DLGAP1: variants seen among roughly 807,000 people sequenced by gnomAD.
The protein encoded by DLGAP1 is DLG associated protein 1.
A neutral mutation model predicts 90.8 loss-of-function variants in DLGAP1; 11 were observed. The ratio of observed to expected loss-of-function variants is 0.12; its 90% CI spans 0.08 to 0.20. DLGAP1 has a LOEUF of 0.20. DLGAP1 is among the 10% of genes least tolerant of loss of function. The probability of loss-of-function intolerance (pLI) is 1.00; values close to 1 mark genes in which losing one functional copy is unlikely to be tolerated. For synonymous variants in DLGAP1, 558 were observed against 540.7 expected, an observed-to-expected ratio of 1.03 and a Z score of -0.44; for missense variants, 1,050 against 1,333.8, an observed-to-expected ratio of 0.79 and a Z score of 3.31.
chr18:3,773,992 G>A (rs1435030792), intron 5 of DLGAP1, among the ~76,000 whole-genome samples: 1 of 152,142 alleles, frequency 6.6e-6, no homozygotes, highest in Non-Finnish European at 1.5e-5. Flanking sequence ...AAATTGGGGT[G>A]CTCACCTTCC....
At chr18:4,302,857 A>C (rs992520282) in intron 1 of DLGAP1, among the ~76,000 whole-genome samples, 3 of 152,214 alleles carry the variant, frequency 2.0e-5, no homozygotes, top group Non-Finnish European at 2.9e-5. Flanking sequence ...AACACAGTCT[A>C]TCTCTCCATT....
chr18:4,025,323 A>ATT (rs35955396), intron 2 of DLGAP1, among the ~76,000 whole-genome samples: 84 of 150,300 alleles, frequency 5.6e-4, no homozygotes, highest in African/African-American at 1.4e-3. Context: ...TCCAATGAGC[A>ATT]TTTTTTTTTT....
chr18:3,589,941 G>A (rs962196028), intron 7 of DLGAP1, among the ~76,000 whole-genome samples: 5 of 152,116 alleles, frequency 3.3e-5, no homozygotes, highest in Admixed American at 2.0e-4. Context: ...ACAGAGTTTC[G>A]CTCTTGTTGC....
intron 1 of DLGAP1, among the ~76,000 whole-genome samples, chr18:4,343,137 C>T (rs1368112086): frequency 6.6e-6 from 1 of 151,820 alleles, no homozygotes; most frequent in Non-Finnish European, 1.5e-5. Context: ...GAAACTCCGT[C>T]TCTACTAAAA....
At chr18:4,108,902 A>G (rs553423957) in intron 2 of DLGAP1, among the ~76,000 whole-genome samples, 1 of 152,356 alleles carries the variant, frequency 6.6e-6, no homozygotes, top group Non-Finnish European at 1.5e-5. Context: ...GGGCTGTCAC[A>G]TGAAAGAATG....
chr18:4,117,400 C>T (rs769506344), intron 2 of DLGAP1, among the ~76,000 whole-genome samples: 8 of 152,204 alleles, frequency 5.3e-5, no homozygotes, highest in Non-Finnish European at 1.0e-4. Context: ...AGCAACACTG[C>T]TTATTGATTG....
At chr18:4,007,217 C>A (rs2074321021) in intron 2 of DLGAP1, among the ~76,000 whole-genome samples, 2 of 152,050 alleles carry the variant, frequency 1.3e-5, no homozygotes, top group Admixed American at 6.6e-5. Flanking sequence ...GCTTCTTGCT[C>A]CTGGGGCAGC....
intron 1 of DLGAP1, among the ~76,000 whole-genome samples, chr18:4,270,817 G>C (rs1301692149): frequency 6.6e-6 from 1 of 152,158 alleles, no homozygotes; most frequent in Non-Finnish European, 1.5e-5. Context: ...CATGCATTTA[G>C]TGTGGGCATT....
intron 3 of DLGAP1, among the ~76,000 whole-genome samples, chr18:3,971,888 G>A (rs2073457526): frequency 6.6e-6 from 1 of 152,124 alleles, no homozygotes; most frequent in Admixed American, 6.5e-5. Context: ...TGAATATTGA[G>A]GGACAAGAAA....
At chr18:3,741,167 A>C (rs1598539846) in intron 6 of DLGAP1, among the ~76,000 whole-genome samples, 1 of 67,022 alleles carries the variant, frequency 1.5e-5, no homozygotes, top group African/African-American at 6.4e-5. Context: ...CACCATCACC[A>C]CCACATCACC....
chr18:3,516,258 T>G (rs1361288598), intron 10 of DLGAP1, among the ~76,000 whole-genome samples: 1 of 152,148 alleles, frequency 6.6e-6, no homozygotes, highest in Non-Finnish European at 1.5e-5. Context: ...CAAATTTTTT[T>G]GGGTGCACGG....
At chr18:3,842,572 T>C (rs900460751) in intron 4 of DLGAP1, among the ~76,000 whole-genome samples, 1 of 151,254 alleles carries the variant, frequency 6.6e-6, no homozygotes, top group Non-Finnish European at 1.5e-5. Context: ...TGGACAGAAA[T>C]AAGATTTGGT....
At chr18:3,624,004 G>C (rs1567853843) in intron 7 of DLGAP1, among the ~76,000 whole-genome samples, 1 of 152,020 alleles carries the variant, frequency 6.6e-6, no homozygotes, top group African/African-American at 2.4e-5. Context: ...CCAGACAGCT[G>C]CTGCCACATT....
intron 2 of DLGAP1, among the ~76,000 whole-genome samples, chr18:4,090,863 C>A (rs530080591): frequency 6.6e-6 from 1 of 152,234 alleles, no homozygotes; most frequent in South Asian, 2.1e-4. Context: ...CAACGATAGA[C>A]CGGATAAAGA....
At chr18:3,535,991 T>C (rs769334590) in intron 9 of DLGAP1, among the ~76,000 whole-genome samples, 36 of 151,776 alleles carry the variant, frequency 2.4e-4, no homozygotes, top group Non-Finnish European at 4.3e-4. Flanking sequence ...ACTGAGATCA[T>C]GCCATTGCAC....
At chr18:3,706,562 C>G (rs1028987284) in intron 7 of DLGAP1, among the ~76,000 whole-genome samples, 2 of 152,176 alleles carry the variant, frequency 1.3e-5, no homozygotes, top group Non-Finnish European at 2.9e-5. Flanking sequence ...CCAAAGCTTT[C>G]TCACCAAAGC....
intron 3 of DLGAP1, among the ~76,000 whole-genome samples, chr18:3,933,546 C>T (rs1020451897): frequency 2.0e-5 from 3 of 152,140 alleles, no homozygotes; most frequent in African/African-American, 7.2e-5. Context: ...TGGGAGGTTT[C>T]CCCTCCATTC....
chr18:4,186,133 T>C (rs920493721), intron 1 of DLGAP1, among the ~76,000 whole-genome samples: 1 of 152,120 alleles, frequency 6.6e-6, no homozygotes, highest in African/African-American at 2.4e-5. Context: ...GGTGGTGTTT[T>C]TTCTTGTAAA....
At chr18:3,612,358 A>G (rs904108522) in intron 7 of DLGAP1, among the ~76,000 whole-genome samples, 5 of 152,244 alleles carry the variant, frequency 3.3e-5, no homozygotes, top group African/African-American at 1.2e-4. Flanking sequence ...GAAGCAATAT[A>G]TGGGAAATGC....
Sources: allele counts gnomAD v4.1 joint callset (sites outside exome capture counted in the v4.1 genomes callset), GRCh38; gene constraint gnomAD v4.1.1; transcripts MANE v1.5; gene names NCBI Gene and HGNC (gene_info 2026-07-23, HGNC 2026-07-21).